Variants in NALF1 observed in about 807,000 individuals in gnomAD.
The protein encoded by NALF1 is NALCN channel auxiliary factor 1.
NALF1 carries 3 observed loss-of-function variants against 48.4 expected under a neutral mutation model. The ratio of observed to expected loss-of-function variants is 0.06; its 90% CI spans 0.03 to 0.16. The LOEUF (loss-of-function observed/expected upper bound fraction) is 0.16, where lower values mean the gene tolerates loss of function less well. Ranked by LOEUF, NALF1 falls within the 10% of genes least tolerant of loss-of-function variation. The pLI is 1.00. For synonymous variants in NALF1, 262 were observed against 245.7 expected (o/e 1.07, Z -0.62); for missense variants, 526 against 571.5 (o/e 0.92, Z 0.81).
intron 1 of NALF1, among the ~76,000 whole-genome samples, chr13:107,646,091 G>T (rs914999282): frequency 1.3e-5 from 2 of 152,066 alleles, no homozygotes; most frequent in African/African-American, 2.4e-5. Flanking sequence ...AGCCCTTCTA[G>T]CACTGACCAG....
intron 1 of NALF1, among the ~76,000 whole-genome samples, chr13:107,658,469 C>T (rs745522844): frequency 1.3e-5 from 2 of 152,050 alleles, no homozygotes; most frequent in Non-Finnish European, 2.9e-5. Flanking sequence ...ACACTCTGTA[C>T]CTCAAACTGT....
chr13:107,717,502 G>A (rs781085582), intron 1 of NALF1, among the ~76,000 whole-genome samples: 18 of 151,822 alleles, frequency 1.2e-4, no homozygotes, highest in Non-Finnish European at 2.4e-4. Context: ...GAGAAGTCGA[G>A]AAACCCTTGG....
At chr13:107,218,648 G>T (rs2138812903) in intron 1 of NALF1, among the ~76,000 whole-genome samples, 1 of 152,152 alleles carries the variant, frequency 6.6e-6, no homozygotes, top group Middle Eastern at 3.4e-3. Flanking sequence ...AAAAACTAAA[G>T]AAATAAATTT....
Position 107,228,479 on chromosome 13 carries a change from G to C in NALF1, c.916-17724C>G, listed in dbSNP as rs114535481. ...ACCTCTGCCTGCAGGGTCGGGAGGG[G>C]TGAATCAATGACATCAACCACTCAC... On this transcript the variant is annotated intron_variant, in intron 1 of 2. Transcript: ENST00000375915. Among the ~76,000 whole-genome samples, 995 of 152,286 alleles carry C rather than the reference G, an allele frequency of 6.5e-3. 5 individuals are homozygous for C. The highest frequency in any genetic ancestry group is 0.023 in the African/African-American group (958 of 41,548).
At chr13:107,237,509 G>A (rs1341435175) in intron 1 of NALF1, among the ~76,000 whole-genome samples, 1 of 151,952 alleles carries the variant, frequency 6.6e-6, no homozygotes, top group African/African-American at 2.4e-5. Context: ...TATAAAATGG[G>A]GTAGCATTTG....
rs149774293 is a variant in NALF1, at chr13:107,840,099, G to A, written c.915+25583C>T. Among the ~76,000 whole-genome samples the A allele has an allele frequency of 2.3e-3, 347 of 152,296 alleles. 2 individuals carry two copies. The highest frequency in any genetic ancestry group is 7.9e-3 in the African/African-American group (328 of 41,572). ...CCCTTTAGCAATGCCACTGCGATAT[G>A]TATTTCCAGTCATTTCTTCACGCAT... On this transcript the variant is annotated intron_variant, in intron 1 of 2. Coordinates refer to ENST00000375915, the MANE Select transcript of NALF1 (RefSeq NM_001080396.3).
chr13:107,427,376 C>T (rs749109102), intron 1 of NALF1, among the ~76,000 whole-genome samples: 1 of 151,902 alleles, frequency 6.6e-6, no homozygotes, highest in Non-Finnish European at 1.5e-5. Context: ...AACAGAACTT[C>T]AATTTTTTAA....
chr13:107,591,407 C>T (rs1334185755), intron 1 of NALF1, among the ~76,000 whole-genome samples: 1 of 151,950 alleles, frequency 6.6e-6, no homozygotes, highest in African/African-American at 2.4e-5. Context: ...TACATCCAAA[C>T]CTATCTTTTA....
At chr13:107,722,328 G>C (rs1876010858) in intron 1 of NALF1, among the ~76,000 whole-genome samples, 2 of 152,092 alleles carry the variant, frequency 1.3e-5, no homozygotes, top group African/African-American at 4.8e-5. Flanking sequence ...CATAGAATTT[G>C]GTGCATGATA....
chr13:107,524,138 G>A (rs1192481153), intron 1 of NALF1, among the ~76,000 whole-genome samples: 1 of 152,012 alleles, frequency 6.6e-6, no homozygotes, highest in Non-Finnish European at 1.5e-5. Flanking sequence ...TAGAAACTTT[G>A]GGTACTTCTT....
chr13:107,866,514 G>C lies in NALF1; in HGVS notation c.83C>G (p.Pro28Arg). The change falls in exon 1 of 3, where the codon CCG becomes CGG. Residue 28 changes from proline to arginine, a missense_variant. By Grantham distance (103) the Pro-to-Arg change is moderately radical. Around this residue, in one of 2 missense-constraint regions of NALF1, gnomAD observed 373 missense variants for 355.5 expected, o/e 1.05. Coordinates refer to ENST00000375915, the MANE Select transcript of NALF1 (RefSeq NM_001080396.3). The surrounding 1 kb of genome is among the most constrained non-coding windows in gnomAD (Gnocchi z 4.4). ...WLAAPRENEK[P>R]FIDSERAQKW... is the part of the protein sequence containing the mutation. Reference sequence around the variant, plus strand: ...CTGAGCCCTCTCGGAATCGATGAACGGTTTCTCGTTCTCTCGGGGTGCTGC... The same window carrying C: ...CTGAGCCCTCTCGGAATCGATGAACCGTTTCTCGTTCTCTCGGGGTGCTGC... 1 of 1,613,952 alleles carries C rather than the reference G, an allele frequency of 6.2e-7. No individual in the cohort carries two copies. The highest frequency in any genetic ancestry group is 8.5e-7 in the Non-Finnish European group (1 of 1,180,018).
rs140422760 is a variant in NALF1, at chr13:107,289,180, C to T, written c.916-78425G>A. Among the ~76,000 whole-genome samples the T allele has an allele frequency of 3.7e-3, 556 of 152,230 alleles. 5 individuals carry two copies. Among genetic ancestry groups the T allele is most frequent in the Middle Eastern group, 0.01 (3 of 294 alleles). ...TCTGCCCTTAGCAAGGTCTTTGCTC[C>T]AGCGTCCCTGCCACCCTATATAAAA... is the stretch of plus-strand genomic sequence containing the variant. On this transcript the variant is annotated intron_variant, in intron 1 of 2. Coordinates refer to ENST00000375915, the MANE Select transcript of NALF1 (RefSeq NM_001080396.3).
intron 1 of NALF1, among the ~76,000 whole-genome samples, chr13:107,660,369 G>T (rs973004140): frequency 1.3e-5 from 2 of 151,212 alleles, no homozygotes; most frequent in Non-Finnish European, 2.9e-5. Context: ...TGGGGGCAGA[G>T]GTTGCAGTAA....
chr13:107,786,255 A>G lies in NALF1; in HGVS notation c.915+79427T>C, dbSNP rs558477348. Among the ~76,000 whole-genome samples the G allele has an allele frequency of 1.8e-4, 28 of 151,724 alleles. 1 individual carries two copies. Among genetic ancestry groups the G allele is most frequent in the Middle Eastern group, 3.4e-3 (1 of 292 alleles). On this transcript the variant is annotated intron_variant, in intron 1 of 2. Transcript: ENST00000375915. ...AACATGGTGAAACGCCATCTCTACT[A>G]AAAATACAAAATTAGCTGAGCGTGG...
At chr13:107,195,658 T>C (rs953919168) in intron 2 of NALF1, among the ~76,000 whole-genome samples, 1 of 152,208 alleles carries the variant, frequency 6.6e-6, no homozygotes, top group Non-Finnish European at 1.5e-5. Context: ...ATGAACCAAC[T>C]GAGTTTGTGG....
intron 1 of NALF1, among the ~76,000 whole-genome samples, chr13:107,318,093 G>C (rs1458582425): frequency 6.6e-6 from 1 of 151,984 alleles, no homozygotes; most frequent in Non-Finnish European, 1.5e-5. Flanking sequence ...CTGAGCATAA[G>C]AACTCTGTCA....
rs775163130 is a variant in NALF1 at position 107,647,040 on chromosome 13, T to C, written c.915+218642A>G. Among the ~76,000 whole-genome samples, 78 of 152,230 alleles carry C rather than the reference T, an allele frequency of 5.1e-4. 2 individuals carry two copies. The highest frequency in any genetic ancestry group is 6.9e-4 in the Non-Finnish European group (47 of 67,978). ...GGTAAAGACTTACATACTAGAATGC[T>C]TATTGTAGCTTTATTTATAAATCAA... On this transcript the variant is annotated intron_variant, in intron 1 of 2. Transcript: ENST00000375915.
At chr13:107,430,889 C>T (rs561937398) in intron 1 of NALF1, among the ~76,000 whole-genome samples, 311 of 152,234 alleles carry the variant, frequency 2.0e-3, no homozygotes, top group Middle Eastern at 0.017. Context: ...ACTTCCACAA[C>T]GGTTGAACTA....
intron 1 of NALF1, among the ~76,000 whole-genome samples, chr13:107,520,508 G>A (rs1432796963): frequency 6.6e-6 from 1 of 152,150 alleles, no homozygotes; most frequent in Non-Finnish European, 1.5e-5. Flanking sequence ...TGGAAAGCAG[G>A]GAAACATTTC....
Sources: allele counts gnomAD v4.1 joint callset (sites outside exome capture counted in the v4.1 genomes callset), GRCh38; gene constraint gnomAD v4.1.1; regional missense constraint gnomAD v4.1.1; non-coding constraint Gnocchi (gnomAD v3.1); transcripts MANE v1.5; gene names NCBI Gene and HGNC (gene_info 2026-07-23, HGNC 2026-07-21).